The following WHRN variants were observed in gnomAD, a reference collection of about 807,000 sequenced individuals.
The protein encoded by WHRN is whirlin.
A neutral mutation model predicts 68.3 loss-of-function variants in WHRN; 41 were observed. The ratio of observed to expected loss-of-function variants is 0.60; its 90% CI spans 0.47 to 0.78. The LOEUF (loss-of-function observed/expected upper bound fraction) is 0.78, where lower values mean the gene tolerates loss of function less well. Among genes scored for constraint, WHRN ranks in the 30% least tolerant of loss-of-function variants. The pLI is 0.00. For missense variants in WHRN, 1,243 were observed against 1,244.7 expected (o/e 1.00, Z 0.02); for synonymous variants, 560 against 561.3 (o/e 1.00, Z 0.03).
At chr9:114,478,061 C>T (rs568193296) in intron 2 of WHRN, among the ~76,000 whole-genome samples, 1 of 152,194 alleles carries the variant, frequency 6.6e-6, no homozygotes, top group South Asian at 2.1e-4. Context: ...TGGAGCAGAA[C>T]TGTCCCCCAG....
chr9:114,418,604 A>T (rs1408266216), intron 7 of WHRN, among the ~76,000 whole-genome samples: 1 of 152,200 alleles, frequency 6.6e-6, no homozygotes, highest in African/African-American at 2.4e-5. Context: ...AGTCCTCAGC[A>T]TGTCTGCCCC....
chr9:114,491,701 A>G (rs1842986853), intron 1 of WHRN: 1 of 255,598 alleles, frequency 3.9e-6, no homozygotes, highest in Non-Finnish European at 8.2e-6. Context: ...CATGCAGCAG[A>G]AGGAGAAAAA....
chr9:114,416,818 A>C (rs1453765663), intron 7 of WHRN, among the ~76,000 whole-genome samples: 2 of 152,224 alleles, frequency 1.3e-5, no homozygotes, highest in African/African-American at 2.4e-5. Context: ...GATCTCACTG[A>C]ATCTTCAGAA....
chr9:114,452,467 TGAA>T (rs992520254), intron 3 of WHRN, among the ~76,000 whole-genome samples: 16 of 152,348 alleles, frequency 1.1e-4, no homozygotes, highest in African/African-American at 3.8e-4. Context: ...GTTCTTGTCT[TGAA>T]GAAGTGACTG....
At chr9:114,405,056 TTCTCTCTC>T (rs1164575803) in intron 9 of WHRN, among the ~76,000 whole-genome samples, 2 of 126,880 alleles carry the variant, frequency 1.6e-5, no homozygotes, top group African/African-American at 6.0e-5. Flanking sequence ...AATTACTACT[TTCTCTCTC>T]TCTCTCTTTT....
intron 3 of WHRN, among the ~76,000 whole-genome samples, chr9:114,443,774 G>A (rs1278404860): frequency 1.3e-5 from 2 of 152,182 alleles, no homozygotes; most frequent in Non-Finnish European, 2.9e-5. Context: ...ATACCAGAAG[G>A]TCCCTGTACT....
At chr9:114,460,967 G>A (rs554979084) in intron 3 of WHRN, among the ~76,000 whole-genome samples, 1 of 152,350 alleles carries the variant, frequency 6.6e-6, no homozygotes, top group South Asian at 2.1e-4. Context: ...CCAAGTGAGT[G>A]TAGGCAGGTG....
At chr9:114,464,869 CG>C (rs1840547704) in intron 3 of WHRN, among the ~76,000 whole-genome samples, 4 of 127,074 alleles carry the variant, frequency 3.1e-5, no homozygotes, top group African/African-American at 1.9e-4. Flanking sequence ...ATGATGATGT[CG>C]TCTGTCTGTC....
At chr9:114,403,525 A>G (rs1834817713) in intron 10 of WHRN, among the ~76,000 whole-genome samples, 186 bp from the exon 11 acceptor site, 1 of 152,064 alleles carries the variant, frequency 6.6e-6, no homozygotes, top group African/African-American at 2.4e-5. Flanking sequence ...CCTCACCAAA[A>G]TCCCCGAGGC....
intron 3 of WHRN, among the ~76,000 whole-genome samples, chr9:114,459,006 C>T (rs1344244150): frequency 6.6e-6 from 1 of 152,182 alleles, no homozygotes; most frequent in Admixed American, 6.6e-5. Context: ...CCCAAGGTCA[C>T]ACAACAAGGA....
chr9:114,456,961 T>C (rs578205044), intron 3 of WHRN, among the ~76,000 whole-genome samples: 110 of 152,244 alleles, frequency 7.2e-4, no homozygotes, highest in African/African-American at 2.1e-3. Context: ...AGGGGAAAGA[T>C]AGAATAAACC....
intron 1 of WHRN, among the ~76,000 whole-genome samples, chr9:114,483,339 G>C (rs543747835): frequency 1.3e-5 from 2 of 152,236 alleles, no homozygotes; most frequent in African/African-American, 4.8e-5. Flanking sequence ...AATGTGTGTG[G>C]GTCATGCAGG....
intron 7 of WHRN, among the ~76,000 whole-genome samples, chr9:114,411,927 C>T (rs1835467775): frequency 6.6e-6 from 1 of 152,324 alleles, no homozygotes; most frequent in South Asian, 2.1e-4. Context: ...AACCTGAGGC[C>T]CCCATGAGCA....
chr9:114,411,089 C>G (rs921923421), intron 7 of WHRN, among the ~76,000 whole-genome samples: 5 of 152,208 alleles, frequency 3.3e-5, no homozygotes, highest in South Asian at 4.1e-4. Context: ...GTGACTGTTA[C>G]GTGCATTGGG....
chr9:114,428,248 C>T (rs1207958809), intron 3 of WHRN, among the ~76,000 whole-genome samples: 10 of 152,194 alleles, frequency 6.6e-5, no homozygotes, highest in Non-Finnish European at 1.5e-4. Context: ...ATTGCTTGAA[C>T]CCTGGAGGCA....
At chr9:114,464,791 G>A (rs1342446436) in intron 3 of WHRN, among the ~76,000 whole-genome samples, 1 of 151,144 alleles carries the variant, frequency 6.6e-6, no homozygotes, top group African/African-American at 2.4e-5. Flanking sequence ...GGGGAGATAT[G>A]GTAGATGTTA....
chr9:114,407,881 G>C (rs1835150279), intron 8 of WHRN, 66 bp downstream of exon 8: 3 of 1,377,112 alleles, frequency 2.2e-6, no homozygotes, highest in Admixed American at 1.9e-5. Context: ...GTCATGGAGA[G>C]GAGAGAGCCA....
At chr9:114,420,830 C>T (rs1237711432) in intron 7 of WHRN, among the ~76,000 whole-genome samples, 1 of 152,012 alleles carries the variant, frequency 6.6e-6, no homozygotes, top group Non-Finnish European at 1.5e-5. Flanking sequence ...CACCCTGGGC[C>T]CACAGGCATC....
At chr9:114,426,865 C>T (rs926442608) in intron 3 of WHRN, among the ~76,000 whole-genome samples, 12 of 152,204 alleles carry the variant, frequency 7.9e-5, no homozygotes, top group Admixed American at 7.2e-4. Context: ...GTAAACAAAA[C>T]TTTAATCTAC....
Sources: allele counts gnomAD v4.1 joint callset (sites outside exome capture counted in the v4.1 genomes callset), GRCh38; gene constraint gnomAD v4.1.1; transcripts MANE v1.5; gene names NCBI Gene and HGNC (gene_info 2026-07-23, HGNC 2026-07-21).